Variants in SLC16A1 observed in about 807,000 individuals in gnomAD.
SLC16A1 encodes the protein solute carrier family 16 member 1.
Under a neutral mutation model 32.2 loss-of-function variants are expected in SLC16A1, and 11 were observed. That is an observed-to-expected ratio of 0.34 (90% CI 0.21 to 0.56). The LOEUF (loss-of-function observed/expected upper bound fraction) is 0.56, where lower values mean the gene tolerates loss of function less well. SLC16A1 is among the 20% of genes least tolerant of loss of function. SLC16A1 has a pLI of 0.87. For synonymous variants in SLC16A1, 231 were observed against 226.8 expected, an observed-to-expected ratio of 1.02 and a Z score of -0.17; for missense variants, 435 against 615.0, an observed-to-expected ratio of 0.71 and a Z score of 3.10.
intron 1 of SLC16A1, among the ~76,000 whole-genome samples, chr1:112,952,645 C>T (rs1284163286): frequency 1.3e-5 from 2 of 152,032 alleles, no homozygotes; most frequent in African/African-American, 4.8e-5. Flanking sequence ...CACAGTAATC[C>T]AGTAGGGTCT....
At chr1:112,937,178 G>T (rs1649336567) in intron 1 of SLC16A1, among the ~76,000 whole-genome samples, 1 of 152,130 alleles carries the variant, frequency 6.6e-6, no homozygotes, top group Non-Finnish European at 1.5e-5. Context: ...ACAGACAGTA[G>T]GGCTGTTTAA....
chr1:112,914,268 C>A, intron 4 of SLC16A1, 103 bp from the exon 5 acceptor site: 2 of 1,245,786 alleles, frequency 1.6e-6, no homozygotes, highest in Non-Finnish European at 2.3e-6. Flanking sequence ...TCAATCCAAT[C>A]TTTAAAGAGT....
chr1:112,940,079 G>A (rs1325567923), intron 1 of SLC16A1, among the ~76,000 whole-genome samples: 1 of 133,594 alleles, frequency 7.5e-6, no homozygotes, highest in Non-Finnish European at 1.5e-5. Context: ...ACAGTGTCTC[G>A]CTGTGTCACC....
At chr1:112,941,526 G>A (rs539209623) in intron 1 of SLC16A1, among the ~76,000 whole-genome samples, 45 of 152,198 alleles carry the variant, frequency 3.0e-4, no homozygotes, top group Non-Finnish European at 3.2e-4. Flanking sequence ...CAGGTCATCC[G>A]CCTGCCTTGG....
At chr1:112,941,574 T>C (rs933103110) in intron 1 of SLC16A1, among the ~76,000 whole-genome samples, 1 of 152,168 alleles carries the variant, frequency 6.6e-6, no homozygotes, top group Non-Finnish European at 1.5e-5. Flanking sequence ...TGAGCCACCA[T>C]GCCTGGCCCA....
At position 112,917,427 on chromosome 1, in the gene SLC16A1, G is replaced by A. The variant is rs77373295; in HGVS notation, c.979C>T (p.Pro327Ser). 4.8e-5 allele frequency: 77 copies of A among 1,614,200 alleles called. No homozygotes were observed. In the African/African-American group the frequency reaches 9.3e-4, roughly 20 times the overall value. The change falls in exon 4 of 5, where the codon CCT becomes TCT. Residue 327 changes from proline to serine, a missense_variant. Physicochemically the swap from Pro to Ser is moderately conservative, Grantham distance 74 (BLOSUM62 -1). This residue lies in a region of SLC16A1 where 324 missense variants were observed against 500.3 expected (regional missense o/e 0.65). Coordinates refer to ENST00000369626, the MANE Select transcript of SLC16A1 (RefSeq NM_003051.4). This position sits in a 1 kb window ranked among gnomAD's most constrained non-coding sequence, Gnocchi z 4.1. ...GLVANTKPIR[P>S]RIQYFFAASV... ...GCCGCAAAGAAATACTGAATTCGAG[G>A]TCTTATTGGCTTTGTGTTGGCTACA...
intron 2 of SLC16A1, among the ~76,000 whole-genome samples, chr1:112,927,653 G>A (rs1648986931): frequency 6.6e-6 from 1 of 152,226 alleles, no homozygotes; most frequent in Admixed American, 6.5e-5. Context: ...AAATAGAAAG[G>A]GGTACGGTTT....
At position 112,943,442 on chromosome 1, in the gene SLC16A1, C is replaced by A. The variant is rs577934452; in HGVS notation, c.-45+12593G>T. 3.3e-5 allele frequency among the ~76,000 whole-genome samples: 5 copies of A among 152,244 alleles called. 1 individual carries two copies. The South Asian group carries it at 1.0e-3, about 32-fold the overall frequency. The stretch of plus-strand genomic sequence containing the variant: ...TTTTAGGATAATAGCCAAAGAAGAT[C>A]AAATATCAATGTCCTAAATTATCAA... On this transcript the variant is annotated intron_variant, in intron 1 of 4. Transcript: ENST00000369626.
At position 112,914,267 on chromosome 1, in the gene SLC16A1, T is replaced by A. The variant is rs1426454195; in HGVS notation, c.1229-102A>T. ...TCCATTCAGAAAGATGTCAATCCAA[T>A]CTTTAAAGAGTCCCAAAATGATGAA... On this transcript the variant is annotated intron_variant, in intron 4 of 4. Coordinates refer to ENST00000369626, the MANE Select transcript of SLC16A1 (RefSeq NM_003051.4). 17 of 1,273,754 alleles carry A rather than the reference T, an allele frequency of 1.3e-5. No individual in the cohort carries two copies. In the Middle Eastern group the frequency reaches 5.7e-4, roughly 43 times the overall value. 78.9% of individuals were successfully genotyped at this position (1,273,754 alleles called of 1,614,324 possible).
rs1224801126 is a variant in SLC16A1 at position 112,944,659 on chromosome 1, G to A, written c.-45+11376C>T. Reference sequence around the variant, plus strand: ...ATAAACATAAATATGGAATATGTATGTATATGCTGCTTAATAGACATTTTC... The same window carrying A: ...ATAAACATAAATATGGAATATGTATATATATGCTGCTTAATAGACATTTTC... On this transcript the variant is annotated intron_variant, in intron 1 of 4. Transcript: ENST00000369626. Among the ~76,000 whole-genome samples, 4 of 152,156 alleles carry A rather than the reference G, an allele frequency of 2.6e-5. No homozygotes were observed. In the East Asian group the frequency reaches 7.7e-4, roughly 29 times the overall value.
intron 2 of SLC16A1, among the ~76,000 whole-genome samples, chr1:112,928,604 C>T (rs578231425): frequency 2.2e-4 from 34 of 152,236 alleles, no homozygotes; most frequent in Non-Finnish European, 4.3e-4. Flanking sequence ...GCTTTTAGGA[C>T]TCATAACATC....
chr1:112,944,338 G>C (rs1325900106), intron 1 of SLC16A1, among the ~76,000 whole-genome samples: 1 of 152,190 alleles, frequency 6.6e-6, no homozygotes, highest in Non-Finnish European at 1.5e-5. Flanking sequence ...TGTGGTCCCA[G>C]CTACATGGGA....
At chr1:112,944,442 A>C (rs772874415) in intron 1 of SLC16A1, among the ~76,000 whole-genome samples, 3 of 152,186 alleles carry the variant, frequency 2.0e-5, no homozygotes, top group Non-Finnish European at 4.4e-5. Flanking sequence ...AACCCGTCTC[A>C]AAAAACGAAA....
chr1:112,917,873 A>G lies in SLC16A1; in HGVS notation c.533T>C (p.Phe178Ser). ...FFGIFGWRGS[F>S]LILGGLLLNC... ...TAGTAGCAAGCCCCCAAGAATTAGA[A>G]AGCTTCCTCTCCATCCAAAGATACC... The change falls in exon 4 of 5, where the codon TTT (phenylalanine) becomes TCT (serine). Residue 178 changes from phenylalanine (F) to serine (S), a missense_variant. Coordinates refer to ENST00000369626, the MANE Select transcript of SLC16A1 (RefSeq NM_003051.4). The surrounding 1 kb of genome is among the most constrained non-coding windows in gnomAD (Gnocchi z 4.1). 2 of 1,611,940 alleles carry G rather than the reference A, an allele frequency of 1.2e-6. No homozygotes were observed. Among genetic ancestry groups the G allele is most frequent in the Non-Finnish European group, 1.7e-6 (2 of 1,179,038 alleles).
chr1:112,954,567 G>A (rs1264959126), intron 1 of SLC16A1, among the ~76,000 whole-genome samples: 1 of 152,148 alleles, frequency 6.6e-6, no homozygotes, highest in South Asian at 2.1e-4. Context: ...ATAGTGATAT[G>A]ACTTTTTTCC....
chr1:112,940,373 CTAAA>C, intron 1 of SLC16A1, among the ~76,000 whole-genome samples: 1 of 152,182 alleles, frequency 6.6e-6, no homozygotes, highest in African/African-American at 2.4e-5. Flanking sequence ...TAAGTGAAAT[CTAAA>C]GACCTCAATC....
At chr1:112,952,905 G>C (rs998020148) in intron 1 of SLC16A1, among the ~76,000 whole-genome samples, 1 of 152,070 alleles carries the variant, frequency 6.6e-6, no homozygotes, top group African/African-American at 2.4e-5. Context: ...TAATAAACTC[G>C]TATTTGTTCA....
Position 112,922,120 on chromosome 1 carries a change from A to G in SLC16A1, c.231T>C (p.Ser77=). The G allele has an allele frequency of 6.2e-7, 1 of 1,614,172 alleles. No individual in the cohort carries two copies. The highest frequency in any genetic ancestry group is 1.1e-5 in the South Asian group (1 of 91,086). ...GACTTCCATATTTATTCACCAGGAT[A>G]CTGCTGATAGGACCTAAAAGACAAC... The part of the protein sequence containing the change: ...AVMYGGGPIS[S]ILVNKYGSRI... The change falls in exon 3 of 5, where the codon AGT becomes AGC. Residue 77 remains serine, a synonymous_variant. Transcript: ENST00000369626.
At position 112,911,890 on chromosome 1, in the gene SLC16A1, A is replaced by G. The variant is rs1648332556; in HGVS notation, c.*2001T>C. On this transcript the variant is annotated 3_prime_UTR_variant, in exon 5 of 5. Transcript: ENST00000369626. The stretch of plus-strand genomic sequence containing the variant: ...TTATTTTTTCAGATTTCCTTTACTT[A>G]CATTCCTTATTCCCTCACCAACAGT... 1 of 152,256 alleles carries G rather than the reference A, an allele frequency of 6.6e-6. No homozygotes were observed. Among genetic ancestry groups the G allele is most frequent in the Admixed American group, 6.5e-5 (1 of 15,286 alleles). The allele number at this position is 152,256 out of a possible 1,614,324, so 9.4% of individuals were successfully genotyped here.
Sources: allele counts gnomAD v4.1 joint callset (sites outside exome capture counted in the v4.1 genomes callset), GRCh38; gene constraint gnomAD v4.1.1; regional missense constraint gnomAD v4.1.1; non-coding constraint Gnocchi (gnomAD v3.1); transcripts MANE v1.5; gene names NCBI Gene and HGNC (gene_info 2026-07-23, HGNC 2026-07-21).